CMYA5: variants seen among roughly 807,000 people sequenced by gnomAD.
CMYA5 encodes the protein cardiomyopathy associated 5.
Under a neutral mutation model 318.9 loss-of-function variants are expected in CMYA5, and 246 were observed. The ratio of observed to expected loss-of-function variants is 0.77; its 90% CI spans 0.70 to 0.86. The LOEUF is 0.86. CMYA5 is among the 40% of genes least tolerant of loss of function. The pLI is 0.00. For synonymous variants in CMYA5, 1,641 were observed against 1,729.5 expected, an observed-to-expected ratio of 0.95 and a Z score of 1.27; for missense variants, 4,589 against 4,678.2, an observed-to-expected ratio of 0.98 and a Z score of 0.56.
Position 79,733,278 on chromosome 5 carries a change from T to C in CMYA5, c.4513T>C (p.Ser1505Pro). Residue 1505 changes from serine (S) to proline (P), a missense_variant, in exon 2 of 13, where the codon TCT (serine) becomes CCT (proline). Transcript: ENST00000446378. Reference sequence around the variant, plus strand: ...TCTTTTATTTTCTACAGTCTGTGACTCTGAACGTTTGGTTTCATCACAGAA... The same window carrying C: ...TCTTTTATTTTCTACAGTCTGTGACCCTGAACGTTTGGTTTCATCACAGAA... Reference protein sequence around the residue: ...QDLLFSTVCDSERLVSSQKKS... With the variant: ...QDLLFSTVCDPERLVSSQKKS... The C allele has an allele frequency of 1.9e-6, 3 of 1,613,742 alleles. No homozygotes were observed. Among genetic ancestry groups the C allele is most frequent in the Non-Finnish European group, 8.5e-7 (1 of 1,179,828 alleles).
intron 4 of CMYA5, among the ~76,000 whole-genome samples, chr5:79,746,066 AC>A: frequency 6.6e-6 from 1 of 152,210 alleles, no homozygotes; most frequent in East Asian, 1.9e-4. Context: ...CAGCAGAGAC[AC>A]CTCTGTGCTC....
At chr5:79,722,857 AT>A (rs1448270015) in intron 1 of CMYA5, among the ~76,000 whole-genome samples, 8 of 152,084 alleles carry the variant, frequency 5.3e-5, no homozygotes, top group Non-Finnish European at 1.0e-4. Context: ...ATTTCTAAAC[AT>A]TTAGATGAAA....
At chr5:79,765,780 GC>G (rs1378661059) in intron 9 of CMYA5, among the ~76,000 whole-genome samples, 2 of 152,002 alleles carry the variant, frequency 1.3e-5, no homozygotes, top group African/African-American at 4.8e-5. Context: ...TCATGATTTG[GC>G]TCTGTGTTTG....
intron 1 of CMYA5, among the ~76,000 whole-genome samples, chr5:79,726,414 G>T (rs1827749317): frequency 6.6e-6 from 1 of 152,104 alleles, no homozygotes; most frequent in Admixed American, 6.6e-5. Context: ...GCTTTAATTA[G>T]GTATGTAAAA....
Position 79,733,231 on chromosome 5 carries a change from C to G in CMYA5, c.4466C>G (p.Ala1489Gly), listed in dbSNP as rs777011024. The change falls in exon 2 of 13, where the codon GCA becomes GGA. Residue 1489 changes from alanine to glycine, a missense_variant. By Grantham distance (60) the Ala-to-Gly change is moderately conservative. Coordinates refer to ENST00000446378, the MANE Select transcript of CMYA5 (RefSeq NM_153610.5). ...CAGCATTCAGATAAATCTGAGGAAG[C>G]AAGGGTAGAAGACAAACAAGATCTT... Reference protein sequence around the residue: ...SSQHSDKSEEARVEDKQDLLF... With the variant: ...SSQHSDKSEEGRVEDKQDLLF... 7.4e-6 allele frequency: 12 copies of G among 1,613,514 alleles called. No homozygotes were observed. The highest frequency in any genetic ancestry group is 4.0e-5 in the African/African-American group (3 of 74,900).
At chr5:79,726,287 G>A (rs1019955532) in intron 1 of CMYA5, among the ~76,000 whole-genome samples, 3 of 152,100 alleles carry the variant, frequency 2.0e-5, no homozygotes, top group Non-Finnish European at 2.9e-5. Flanking sequence ...ACATTCATGG[G>A]CATTCAAAAT....
chr5:79,722,632 G>A lies in CMYA5; in HGVS notation c.150-6283G>A, dbSNP rs548241790. On this transcript the variant is annotated intron_variant, in intron 1 of 12. Coordinates refer to ENST00000446378, the MANE Select transcript of CMYA5 (RefSeq NM_153610.5). Reference sequence around the variant, plus strand: ...GCGAAGGTTGCAGGGAGCCAAGATTGTGCCCCTGCACTCCAGCCTGGGTGA... The same window carrying A: ...GCGAAGGTTGCAGGGAGCCAAGATTATGCCCCTGCACTCCAGCCTGGGTGA... Among the ~76,000 whole-genome samples, 397 of 142,804 alleles carry A rather than the reference G, an allele frequency of 2.8e-3. 1 individual carries two copies. The highest frequency in any genetic ancestry group is 4.5e-3 in the Non-Finnish European group (304 of 66,978). The allele number at this position is 142,804 out of a possible 152,430, so 93.7% of individuals were successfully genotyped here.
In CMYA5 at chr5:79,733,135, A is replaced by T. The variant is rs752786838; in HGVS notation, c.4370A>T (p.His1457Leu). ...SLPSVSSIAE[H>L]SVLSEVEAKE... ...CCAAGTGTCTCCTCTATAGCAGAGC[A>T]TTCTGTTTTGTCAGAAGTAGAAGCC... The change falls in exon 2 of 13, where the codon CAT (histidine) becomes CTT (leucine). Residue 1457 changes from histidine to leucine, a missense_variant. By Grantham distance (99) the His-to-Leu change is moderately conservative (BLOSUM62 -3). This residue lies in a region of CMYA5 where 2,132 missense variants were observed against 2,131.3 expected (regional missense o/e 1.00). Transcript: ENST00000446378. 6.2e-7 allele frequency: 1 copy of T among 1,613,864 alleles called. No homozygotes were observed. The highest frequency in any genetic ancestry group is 8.5e-7 in the Non-Finnish European group (1 of 1,179,830).
rs373060111 is a variant in CMYA5 at position 79,729,260 on chromosome 5, A to C, written c.495A>C (p.Lys165Asn). Reference protein sequence around the residue: ...SFESQDVPTNKKGSPLTSASQ... With the variant: ...SFESQDVPTNNKGSPLTSASQ... ...AATCCCAAGATGTTCCAACAAACAA[A>C]AAAGGCAGTCCTTTAACTTCAGCAA... The change falls in exon 2 of 13, where the codon AAA becomes AAC. Residue 165 changes from lysine (K) to asparagine (N), a missense_variant. Physicochemically the swap from Lys to Asn is moderately conservative, Grantham distance 94 (BLOSUM62 0). Transcript: ENST00000446378. 54 of 1,611,640 alleles carry C rather than the reference A, an allele frequency of 3.4e-5. No individual in the cohort carries two copies. The highest frequency in any genetic ancestry group is 4.1e-5 in the Non-Finnish European group (48 of 1,179,344).
At chr5:79,700,562 C>G (rs1376730306) in intron 1 of CMYA5, among the ~76,000 whole-genome samples, 1 of 152,146 alleles carries the variant, frequency 6.6e-6, no homozygotes, top group African/African-American at 2.4e-5. Flanking sequence ...TAGAAGTTCT[C>G]TAAAGAAAAT....
rs561993428 is a variant in CMYA5 at position 79,793,496 on chromosome 5, C to T, written c.11849C>T (p.Thr3950Ile). 3.1e-6 allele frequency: 5 copies of T among 1,613,952 alleles called. No individual in the cohort carries two copies. The highest frequency in any genetic ancestry group is 2.2e-5 in the South Asian group (2 of 91,086). Residue 3950 changes from threonine to isoleucine, a missense_variant, in exon 12 of 13, where the codon ACA becomes ATA. By Grantham distance (89) the Thr-to-Ile change is moderately conservative (BLOSUM62 -1). Coordinates refer to ENST00000446378, the MANE Select transcript of CMYA5 (RefSeq NM_153610.5). ...TGTGGCCAGCATTACTGGGAAACCA[C>T]AGTCACAGACTGCCCAGCATATCGA... ...PSCGQHYWET[T>I]VTDCPAYRLG... is the part of the protein sequence containing the mutation.
intron 1 of CMYA5, among the ~76,000 whole-genome samples, chr5:79,727,160 C>A (rs912666868): frequency 6.6e-6 from 1 of 152,126 alleles, no homozygotes; most frequent in Non-Finnish European, 1.5e-5. Context: ...AGGTGATCCA[C>A]CCGCCTCGGC....
chr5:79,799,844 A>C lies in CMYA5; in HGVS notation c.*228A>C. ...AACAACAACCTCCACTCTTTAGTTTATATAAGTTTGAGTTCTTTCCTAAAT... is the reference window on the plus strand; with the variant it reads ...AACAACAACCTCCACTCTTTAGTTTCTATAAGTTTGAGTTCTTTCCTAAAT... On this transcript the variant is annotated 3_prime_UTR_variant, in exon 13 of 13. Coordinates refer to ENST00000446378, the MANE Select transcript of CMYA5 (RefSeq NM_153610.5). The C allele has an allele frequency of 5.4e-6, 2 of 372,594 alleles. No homozygotes were observed. Among genetic ancestry groups the C allele is most frequent in the East Asian group, 5.1e-5 (1 of 19,724 alleles). The allele number at this position is 372,594 out of a possible 1,614,324, so 23.1% of individuals were successfully genotyped here.
In CMYA5 at chr5:79,739,079, A is replaced by G. The variant is rs373459863; in HGVS notation, c.10314A>G (p.Ser3438=). ...HNEVVPQDIL[S]EELSSESTPE... ...AAGTGGTTCCTCAAGACATATTATCAGAAGAACTGTCTTCAGAATCCACAC... is the reference window on the plus strand; with the variant it reads ...AAGTGGTTCCTCAAGACATATTATCGGAAGAACTGTCTTCAGAATCCACAC... Residue 3438 remains serine (S), a synonymous_variant, in exon 2 of 13, where the codon TCA becomes TCG. Transcript: ENST00000446378. The G allele has an allele frequency of 2.9e-5, 46 of 1,613,696 alleles. No individual in the cohort carries two copies. In the Admixed American group the frequency reaches 3.2e-4, roughly 11 times the overall value.
chr5:79,751,931 A>C (rs1009757453), intron 5 of CMYA5, among the ~76,000 whole-genome samples: 19 of 152,224 alleles, frequency 1.2e-4, no homozygotes, highest in Non-Finnish European at 2.5e-4. Flanking sequence ...AAGTTCCAAC[A>C]GCAAGTGCAG....
At chr5:79,776,131 T>C (rs1405955605) in intron 9 of CMYA5, among the ~76,000 whole-genome samples, 1 of 152,148 alleles carries the variant, frequency 6.6e-6, no homozygotes, top group Non-Finnish European at 1.5e-5. Context: ...ACCTGTAATC[T>C]CAGCACTTGG....
chr5:79,742,166 T>C (rs563502123), intron 2 of CMYA5, among the ~76,000 whole-genome samples: 1 of 140,672 alleles, frequency 7.1e-6, no homozygotes, highest in African/African-American at 2.6e-5. Flanking sequence ...CTTTCCCCCC[T>C]CCTCCTCCTC....
In CMYA5 at chr5:79,734,952, G is replaced by A; in HGVS notation, c.6187G>A (p.Glu2063Lys). ...CCTATCAGTGGAACAGGTGAAGTCA[G>A]AAACAATCTCCTCTTCTGTCAAAAC... ...SGLSVEQVKS[E>K]TISSSVKTAH... The change falls in exon 2 of 13, where the codon GAA (glutamate) becomes AAA (lysine). Residue 2063 changes from glutamate to lysine, a missense_variant. Physicochemically the swap from Glu to Lys is moderately conservative, Grantham distance 56. Coordinates refer to ENST00000446378, the MANE Select transcript of CMYA5 (RefSeq NM_153610.5). 3 of 1,613,782 alleles carry A rather than the reference G, an allele frequency of 1.9e-6. No homozygotes were observed. Among genetic ancestry groups the A allele is most frequent in the Non-Finnish European group, 2.5e-6 (3 of 1,179,796 alleles).
In CMYA5 at chr5:79,736,872, G is replaced by A. The variant is rs1191010856; in HGVS notation, c.8107G>A (p.Val2703Ile). The change falls in exon 2 of 13, where the codon GTA (valine) becomes ATA (isoleucine). Residue 2703 changes from valine to isoleucine, a missense_variant. Coordinates refer to ENST00000446378, the MANE Select transcript of CMYA5 (RefSeq NM_153610.5). ...GAAACAAGGATTTCAAGAAAAGGCA[G>A]TAGGAACCCAACCACGTCCTTTAGA... ...TVKQGFQEKA[V>I]GTQPRPLEES... 6 of 1,612,780 alleles carry A rather than the reference G, an allele frequency of 3.7e-6. No individual in the cohort carries two copies. Among genetic ancestry groups the A allele is most frequent in the Non-Finnish European group, 5.1e-6 (6 of 1,179,724 alleles).
Sources: gnomAD v4.1 joint callset for allele counts (sites outside exome capture counted in the v4.1 genomes callset) on GRCh38, gnomAD v4.1.1 for gene constraint, gnomAD v4.1.1 regional missense constraint, MANE v1.5 for transcripts, NCBI Gene and HGNC (gene_info 2026-07-23, HGNC 2026-07-21) for gene names.